Variants in PMPCA observed in about 807,000 individuals in gnomAD.
PMPCA encodes peptidase, mitochondrial processing subunit alpha.
A neutral mutation model predicts 59.3 loss-of-function variants in PMPCA; 47 were observed. The ratio of observed to expected loss-of-function variants is 0.79; its 90% CI spans 0.63 to 1.01. The LOEUF (loss-of-function observed/expected upper bound fraction) is 1.01, where lower values mean the gene tolerates loss of function less well. Ranked by LOEUF, PMPCA falls within the 50% of genes least tolerant of loss-of-function variation. The pLI is 0.00. For missense variants in PMPCA, 726 were observed against 704.5 expected, an observed-to-expected ratio of 1.03 and a Z score of -0.34; for synonymous variants, 338 against 290.3, an observed-to-expected ratio of 1.16 and a Z score of -1.67.
chr9:136,413,459 A>G (rs1835190831), intron 4 of PMPCA, among the ~76,000 whole-genome samples: 1 of 152,186 alleles, frequency 6.6e-6, no homozygotes, highest in Non-Finnish European at 1.5e-5. Flanking sequence ...GCACTGGGCA[A>G]TGTGAGATGG....
Position 136,416,183 on chromosome 9 carries a change from C to T in PMPCA, c.533-108C>T, listed in dbSNP as rs940909400. The T allele has an allele frequency of 8.9e-6, 7 of 782,546 alleles. No individual in the cohort carries two copies. In the African/African-American group the frequency reaches 1.0e-4, roughly 12 times the overall value. The allele number at this position is 782,546 out of a possible 1,614,324, so 48.5% of individuals were successfully genotyped here. A position where few individuals can be genotyped will look rare whatever the true frequency, so the allele number is the denominator to read the frequency against. On this transcript the variant is annotated intron_variant, in intron 5 of 12. Transcript: ENST00000371717. ...AGATGAAGGCAGAGGTGACTGCCAA[C>T]AGCCACCAACAGGCGACACTCAGGC...
At chr9:136,419,632 G>GAGTGC (rs1443675258) in intron 11 of PMPCA, 1 of 167,428 alleles carries the variant, frequency 6.0e-6, no homozygotes, top group African/African-American at 2.4e-5. Context: ...ACCCAGGCTG[G>GAGTGC]AGTGCAGTAG....
At chr9:136,416,456 G>A in intron 6 of PMPCA, 65 bp downstream of exon 6, 1 of 1,134,208 alleles carries the variant, frequency 8.8e-7, no homozygotes. Flanking sequence ...ACCAGGGGTG[G>A]TGGGGAGGGT....
intron 5 of PMPCA, 21 bp downstream of exon 5, chr9:136,414,668 C>G (rs771067274): frequency 6.6e-7 from 1 of 1,520,920 alleles, no homozygotes. Context: ...CAGCCGCTGG[C>G]GTTTGAGGTG....
At chr9:136,417,365 A>G in intron 7 of PMPCA, 151 bp downstream of exon 7, 1 of 600,888 alleles carries the variant, frequency 1.7e-6, no homozygotes, top group Non-Finnish European at 2.8e-6. Context: ...ACAGCAGGGC[A>G]TGGACTGTGT....
chr9:136,413,125 A>T (rs1835181565), intron 4 of PMPCA, among the ~76,000 whole-genome samples: 1 of 152,198 alleles, frequency 6.6e-6, no homozygotes. Context: ...CATGCCAGGG[A>T]TGTAGAGCAG....
Position 136,411,910 on chromosome 9 carries a change from G to C in PMPCA, c.72-87G>C, listed in dbSNP as rs1173934347. 4 of 786,858 alleles carry C rather than the reference G, an allele frequency of 5.1e-6. No homozygotes were observed. The African/African-American group carries it at 5.1e-5, about 10-fold the overall frequency. The allele number at this position is 786,858 out of a possible 1,614,324, so 48.7% of individuals were successfully genotyped here. Reference sequence around the variant, plus strand: ...AAGGCAGATGCTCACTTTTAACCCAGACAAAACATAACTAACCGCACCTAA... The same window carrying C: ...AAGGCAGATGCTCACTTTTAACCCACACAAAACATAACTAACCGCACCTAA... On this transcript the variant is annotated intron_variant, in intron 1 of 12. Transcript: ENST00000371717.
intron 12 of PMPCA, 171 bp downstream of exon 12, chr9:136,422,147 GT>G (rs1170500480): frequency 1.3e-6 from 2 of 1,542,186 alleles, no homozygotes; most frequent in South Asian, 2.4e-5. Flanking sequence ...GGGTCGTGGG[GT>G]CGCAGACCTG....
Position 136,416,952 on chromosome 9 carries a change from C to T in PMPCA, c.635C>T (p.Ala212Val), listed in dbSNP as rs201344036. ...EPLLTEMIHEAAYRENTVGLH... is the reference protein window; with the variant it reads ...EPLLTEMIHEVAYRENTVGLH... Reference sequence around the variant, plus strand: ...GTGTCTGTGGCTCTTCCCCATTAGGCGGCTTACAGGGAGAACACAGTTGGC... The same window carrying T: ...GTGTCTGTGGCTCTTCCCCATTAGGTGGCTTACAGGGAGAACACAGTTGGC... Residue 212 changes from alanine (A) to valine (V), a missense_variant and splice_region_variant, in exon 7 of 13, where the codon GCG becomes GTG. Transcript: ENST00000371717. The T allele has an allele frequency of 3.1e-5, 49 of 1,605,614 alleles. No individual in the cohort carries two copies. In the African/African-American group the frequency reaches 4.7e-4, roughly 15 times the overall value.
intron 11 of PMPCA, chr9:136,420,089 C>G (rs535825604): frequency 1.4e-5 from 2 of 147,216 alleles, no homozygotes; most frequent in East Asian, 3.9e-4. Flanking sequence ...AGGTGATTCT[C>G]CTACCTTAGC....
Position 136,417,041 on chromosome 9 carries a change from C to T in PMPCA, c.724C>T (p.Leu242=), listed in dbSNP as rs776960310. The T allele has an allele frequency of 1.2e-6, 2 of 1,613,966 alleles. No homozygotes were observed. Among genetic ancestry groups the T allele is most frequent in the South Asian group, 1.1e-5 (1 of 91,078 alleles). Residue 242 remains leucine, a synonymous_variant, in exon 7 of 13, where the codon CTG becomes TTG. Coordinates refer to ENST00000371717, the MANE Select transcript of PMPCA (RefSeq NM_015160.3). Reference sequence around the variant, plus strand: ...CAACCGAGAGGTGCTGCATTCCTACCTGAGGAACTACTACACTCCCGACCG... The same window carrying T: ...CAACCGAGAGGTGCTGCATTCCTACTTGAGGAACTACTACACTCCCGACCG... ...KINREVLHSY[L]RNYYTPDRMV...
In PMPCA at chr9:136,423,277, GCCTGACAGAC is replaced by G; in HGVS notation, c.*16_*25del. 1.2e-6 allele frequency: 2 copies of G among 1,605,786 alleles called. No homozygotes were observed. Among genetic ancestry groups the G allele is most frequent in the Middle Eastern group, 1.7e-4 (1 of 5,966 alleles). ...GCTCTTCCGGTAGAACCGCTCCCCG[GCCTGACAGAC>G]CCAGGGAGCTGCAGCTGGAGCCCGT... On this transcript the variant is annotated 3_prime_UTR_variant, in exon 13 of 13. Transcript: ENST00000371717.
chr9:136,416,857 A>C (rs867864235), intron 6 of PMPCA, 94 bp from the exon 7 acceptor site: 1 of 1,230,766 alleles, frequency 8.1e-7, no homozygotes, highest in Non-Finnish European at 1.1e-6. Flanking sequence ...GGATTTTCCC[A>C]GGGCTGGCTG....
intron 8 of PMPCA, among the ~76,000 whole-genome samples, chr9:136,418,352 T>C (rs1245721875): frequency 6.7e-6 from 1 of 148,992 alleles, no homozygotes; most frequent in African/African-American, 2.5e-5. Context: ...CTCAGCTAGC[T>C]CTGCCCTTTG....
rs761386835 is a variant in PMPCA at position 136,423,228 on chromosome 9, C to T, written c.1542C>T (p.Asp514=). 3.3e-5 allele frequency: 53 copies of T among 1,613,324 alleles called. No homozygotes were observed. Among genetic ancestry groups the T allele is most frequent in the Admixed American group, 1.8e-4 (11 of 60,010 alleles). The change falls in exon 13 of 13, where the codon GAC becomes GAT. Residue 514 remains aspartate (D), a synonymous_variant. Transcript: ENST00000371717. ...EHIQTALSSK[D]GRLPRTYRLF... The stretch of plus-strand genomic sequence containing the variant: ...TCCAGACCGCCCTGTCGAGTAAGGA[C>T]GGGCGCCTGCCCAGGACGTACCGGC...
intron 1 of PMPCA, among the ~76,000 whole-genome samples, 174 bp downstream of exon 1, chr9:136,410,913 G>A (rs558103187): frequency 5.3e-5 from 8 of 152,348 alleles, no homozygotes; most frequent in Admixed American, 2.6e-4. Context: ...CCTCGAGCCC[G>A]GGGACGCAGT....
chr9:136,413,471 T>C (rs1032129078), intron 4 of PMPCA, among the ~76,000 whole-genome samples: 8 of 152,008 alleles, frequency 5.3e-5, no homozygotes, highest in African/African-American at 1.7e-4. Context: ...GTGAGATGGG[T>C]GAATATAGAT....
At chr9:136,410,774 CG>C (rs745711276) in intron 1 of PMPCA, 35 bp downstream of exon 1, 2 of 1,373,844 alleles carry the variant, frequency 1.5e-6, no homozygotes, top group South Asian at 1.8e-5. Context: ...CGGCCTGGGG[CG>C]GGGGCGGCTC....
Position 136,416,277 on chromosome 9 carries a change from G to T in PMPCA, c.533-14G>T. On this transcript the variant is annotated splice_polypyrimidine_tract_variant and intron_variant, in intron 5 of 12. Transcript: ENST00000371717. ...CTGTGCAGACTCAGCCCTGGCCTTT[G>T]GGTTCTCTTGCAGATGAAGAAGTCG... 2.5e-6 allele frequency: 4 copies of T among 1,601,250 alleles called. No individual in the cohort carries two copies. Among genetic ancestry groups the T allele is most frequent in the Non-Finnish European group, 3.4e-6 (4 of 1,169,214 alleles).
Sources: gnomAD v4.1 joint callset for allele counts (sites outside exome capture counted in the v4.1 genomes callset) on GRCh38, gnomAD v4.1.1 for gene constraint, MANE v1.5 for transcripts, NCBI Gene and HGNC (gene_info 2026-07-23, HGNC 2026-07-21) for gene names.